The following SLMAP variants were observed in gnomAD, a reference collection of about 807,000 sequenced individuals.
The protein encoded by SLMAP is sarcolemmal membrane-associated protein.
A neutral mutation model predicts 128.8 loss-of-function variants in SLMAP; 44 were observed. The ratio of observed to expected loss-of-function variants is 0.34; its 90% confidence interval spans 0.27 to 0.44. SLMAP has a LOEUF of 0.44. Ranked by LOEUF, SLMAP falls within the 20% of genes least tolerant of loss-of-function variation. SLMAP has a pLI of 1.00. For missense variants in SLMAP, 787 were observed against 985.3 expected (o/e 0.80, Z 2.69); for synonymous variants, 327 against 348.8 (o/e 0.94, Z 0.70).
At chr3:57,769,067 C>T (rs1406237233) in intron 2 of SLMAP, among the ~76,000 whole-genome samples, 4 of 152,070 alleles carry the variant, frequency 2.6e-5, no homozygotes, top group South Asian at 4.1e-4. Context: ...CAAATTGGTA[C>T]GAGTTTCTTT....
At chr3:57,917,427 G>C in intron 22 of SLMAP, 1 of 318,988 alleles carries the variant, frequency 3.1e-6, no homozygotes, top group Non-Finnish European at 5.9e-6. Context: ...AGCAAACTGA[G>C]GCCATACTCT....
intron 2 of SLMAP, among the ~76,000 whole-genome samples, chr3:57,791,490 T>C (rs185091823): frequency 2.3e-3 from 352 of 152,342 alleles, no homozygotes; most frequent in African/African-American, 8.0e-3. Context: ...CACTTCCTTA[T>C]TGTAAATATG....
At chr3:57,882,258 C>G (rs1014191970) in intron 14 of SLMAP, among the ~76,000 whole-genome samples, 3 of 152,202 alleles carry the variant, frequency 2.0e-5, no homozygotes, top group Admixed American at 6.5e-5. Flanking sequence ...ACAAAGAAGG[C>G]TTTGCCTTCA....
At chr3:57,814,192 C>T (rs1001856124) in intron 2 of SLMAP, among the ~76,000 whole-genome samples, 3 of 151,938 alleles carry the variant, frequency 2.0e-5, no homozygotes, top group Admixed American at 6.6e-5. Context: ...CTTCAGTTGC[C>T]TGCCTGCCTT....
At chr3:57,919,574 C>T (rs185804041) in intron 22 of SLMAP, among the ~76,000 whole-genome samples, 2 of 152,092 alleles carry the variant, frequency 1.3e-5, no homozygotes, top group African/African-American at 4.8e-5. Flanking sequence ...GTGAGCAGAT[C>T]ACCTGAGGTC....
intron 6 of SLMAP, 133 bp from the exon 7 acceptor site, chr3:57,857,600 C>G: frequency 3.1e-6 from 2 of 643,632 alleles, no homozygotes; most frequent in East Asian, 5.4e-5. Context: ...AAAGTACTAT[C>G]AAGTTTCACT....
intron 19 of SLMAP, among the ~76,000 whole-genome samples, chr3:57,911,542 A>G (rs765743774): frequency 2.0e-4 from 30 of 152,136 alleles, no homozygotes; most frequent in Non-Finnish European, 2.6e-4. Flanking sequence ...TAACCCTTCA[A>G]TGAGGCAGTA....
intron 2 of SLMAP, among the ~76,000 whole-genome samples, chr3:57,796,995 G>A (rs910189504): frequency 1.6e-4 from 25 of 151,776 alleles, no homozygotes; most frequent in South Asian, 4.2e-4. Context: ...CTTGGGCAAT[G>A]TAGTAGGACC....
intron 3 of SLMAP, among the ~76,000 whole-genome samples, chr3:57,832,773 G>GT (rs930118407): frequency 1.3e-5 from 2 of 152,004 alleles, no homozygotes; most frequent in African/African-American, 2.4e-5. Context: ...TTTTTAATGG[G>GT]TTTTTTTGGC....
At chr3:57,889,565 A>G (rs1360276775) in intron 14 of SLMAP, among the ~76,000 whole-genome samples, 2 of 152,184 alleles carry the variant, frequency 1.3e-5, no homozygotes, top group African/African-American at 4.8e-5. Context: ...AAATTTTTTT[A>G]TTTCTTTGAA....
chr3:57,910,991 G>T (rs1047967783), intron 19 of SLMAP, among the ~76,000 whole-genome samples: 2 of 151,952 alleles, frequency 1.3e-5, no homozygotes, highest in African/African-American at 2.4e-5. Context: ...GAATTTCTAG[G>T]GTATGTCATA....
chr3:57,809,790 C>G (rs1447152546), intron 2 of SLMAP, among the ~76,000 whole-genome samples: 1 of 152,212 alleles, frequency 6.6e-6, no homozygotes, highest in Non-Finnish European at 1.5e-5. Context: ...GATGACCTGC[C>G]TGTAGAGAGG....
intron 2 of SLMAP, among the ~76,000 whole-genome samples, chr3:57,828,400 C>T (rs2093077954): frequency 6.6e-6 from 1 of 151,928 alleles, no homozygotes; most frequent in African/African-American, 2.4e-5. Context: ...TTCAAAACAG[C>T]CAAGGGCAAA....
At chr3:57,838,714 A>G (rs1316226840) in intron 3 of SLMAP, among the ~76,000 whole-genome samples, 1 of 152,226 alleles carries the variant, frequency 6.6e-6, no homozygotes, top group Non-Finnish European at 1.5e-5. Flanking sequence ...TAAGTAGCAC[A>G]TGGTCATGCA....
chr3:57,841,443 G>T, intron 4 of SLMAP, 72 bp downstream of exon 4: 1 of 843,872 alleles, frequency 1.2e-6, no homozygotes, highest in East Asian at 2.6e-5. Context: ...TAATATTCTA[G>T]GTGATGGTGT....
chr3:57,784,995 C>G (rs1357974158), intron 2 of SLMAP, among the ~76,000 whole-genome samples: 1 of 152,094 alleles, frequency 6.6e-6, no homozygotes, highest in Non-Finnish European at 1.5e-5. Context: ...TGTTGAACTT[C>G]TCAGCCTTCA....
At chr3:57,837,414 G>A (rs2093689239) in intron 3 of SLMAP, among the ~76,000 whole-genome samples, 1 of 152,122 alleles carries the variant, frequency 6.6e-6, no homozygotes, top group South Asian at 2.1e-4. Context: ...TGTTGGCCAG[G>A]CTGGAGTGCA....
intron 2 of SLMAP, among the ~76,000 whole-genome samples, chr3:57,827,013 G>C (rs2092973963): frequency 6.6e-6 from 1 of 152,114 alleles, no homozygotes; most frequent in Non-Finnish European, 1.5e-5. Flanking sequence ...TGCTATCTTA[G>C]TCACTCTGAT....
At chr3:57,909,770 AC>A (rs892250555) in intron 19 of SLMAP, among the ~76,000 whole-genome samples, 1 of 151,606 alleles carries the variant, frequency 6.6e-6, no homozygotes, top group African/African-American at 2.4e-5. Context: ...GCGCCACCAC[AC>A]CCAGCTAATT....
Sources: gnomAD v4.1 joint callset for allele counts (sites outside exome capture counted in the v4.1 genomes callset) on GRCh38, gnomAD v4.1.1 for gene constraint, MANE v1.5 for transcripts, NCBI Gene and HGNC (gene_info 2026-07-23, HGNC 2026-07-21) for gene names.